ST3GAL3: variants seen among roughly 807,000 people sequenced by gnomAD.
ST3GAL3 encodes CMP-N-acetylneuraminate-beta-1,4-galactoside alpha-2,3-sialyltransferase.
A neutral mutation model predicts 50.1 loss-of-function variants in ST3GAL3; 21 were observed. The observed-to-expected ratio is 0.42, with a 90% CI of 0.30 to 0.60. The LOEUF (loss-of-function observed/expected upper bound fraction) is 0.60. Among genes scored for constraint, ST3GAL3 ranks in the 20% least tolerant of loss-of-function variants. The pLI is 0.19. For synonymous variants in ST3GAL3, 183 were observed against 190.0 expected, an observed-to-expected ratio of 0.96 and a Z score of 0.30; for missense variants, 353 against 489.4, an observed-to-expected ratio of 0.72 and a Z score of 2.63.
Position 43,899,523 on chromosome 1 carries a change from T to C in ST3GAL3, c.558-18T>C. 6.2e-7 allele frequency: 1 copy of C among 1,610,892 alleles called. No individual in the cohort carries two copies. The highest frequency in any genetic ancestry group is 8.5e-7 in the Non-Finnish European group (1 of 1,179,980). On this transcript the variant is annotated intron_variant, in intron 8 of 11. Transcript: ENST00000347631. The surrounding 1 kb of genome is among the most constrained non-coding windows in gnomAD (Gnocchi z 5.4). Reference sequence around the variant, plus strand: ...CCCAAACACAGGCCCAGGCTCTGAGTGGGCCTGCTCTCTGTAGACTGAATT... The same window carrying C: ...CCCAAACACAGGCCCAGGCTCTGAGCGGGCCTGCTCTCTGTAGACTGAATT...
chr1:43,817,656 TCTC>T (rs1371723623), intron 4 of ST3GAL3, among the ~76,000 whole-genome samples: 14 of 126,460 alleles, frequency 1.1e-4, no homozygotes, highest in East Asian at 2.5e-4. Context: ...TCCTCCTCCT[TCTC>T]CTTCTTCTCC....
chr1:43,800,181 C>G (rs1274909191), intron 3 of ST3GAL3, among the ~76,000 whole-genome samples: 4 of 152,218 alleles, frequency 2.6e-5, no homozygotes, highest in Non-Finnish European at 4.4e-5. Flanking sequence ...CTCACCTCCC[C>G]CACACCAACA....
At chr1:43,801,221 T>C (rs1292447795) in intron 3 of ST3GAL3, 2 of 454,748 alleles carry the variant, frequency 4.4e-6, no homozygotes, top group Non-Finnish European at 8.9e-6. Context: ...TTGGTGTTCA[T>C]GGGCAATATT....
At chr1:43,825,594 T>C (rs1236674255) in intron 4 of ST3GAL3, among the ~76,000 whole-genome samples, 2 of 152,220 alleles carry the variant, frequency 1.3e-5, no homozygotes, top group Non-Finnish European at 2.9e-5. Context: ...ACTTGAGAAG[T>C]CTGGAGGAAT....
intron 1 of ST3GAL3, among the ~76,000 whole-genome samples, chr1:43,732,807 A>G (rs1338136750): frequency 6.6e-6 from 1 of 152,112 alleles, no homozygotes; most frequent in Non-Finnish European, 1.5e-5. Flanking sequence ...TTTGAGAAAA[A>G]AGTCATAGGA....
At chr1:43,790,611 C>A (rs959177505) in intron 2 of ST3GAL3, among the ~76,000 whole-genome samples, 3 of 148,912 alleles carry the variant, frequency 2.0e-5, no homozygotes, top group African/African-American at 7.4e-5. Context: ...AATATACAAT[C>A]TTCAACATCA....
chr1:43,859,578 C>A (rs565880978), intron 5 of ST3GAL3, among the ~76,000 whole-genome samples: 32 of 152,076 alleles, frequency 2.1e-4, no homozygotes, highest in South Asian at 1.9e-3. Flanking sequence ...AGAAAAAAAA[C>A]CAGATGATTG....
intron 2 of ST3GAL3, among the ~76,000 whole-genome samples, chr1:43,780,347 C>T (rs1346587926): frequency 6.6e-6 from 1 of 152,154 alleles, no homozygotes; most frequent in South Asian, 2.1e-4. Context: ...TAGTTGTTCT[C>T]TCTGGAAATT....
In ST3GAL3 at chr1:43,826,652, A is replaced by C. The variant is rs556768614; in HGVS notation, c.210-11567A>C. ...AAAGATATTATAAGAAAGGAAAACTACGGACCAATATCTCTCATGAACATG... is the reference window on the plus strand; with the variant it reads ...AAAGATATTATAAGAAAGGAAAACTCCGGACCAATATCTCTCATGAACATG... On this transcript the variant is annotated intron_variant, in intron 4 of 11. Transcript: ENST00000347631. Among the ~76,000 whole-genome samples, 9 of 152,340 alleles carry C rather than the reference A, an allele frequency of 5.9e-5. No individual in the cohort carries two copies. The East Asian group carries it at 1.7e-3, about 29-fold the overall frequency.
intron 2 of ST3GAL3, among the ~76,000 whole-genome samples, chr1:43,758,009 C>T (rs199974540): frequency 1.5e-5 from 1 of 65,902 alleles, no homozygotes; most frequent in Non-Finnish European, 3.1e-5. Context: ...TAAAAATAAA[C>T]AAAGATATGT....
intron 2 of ST3GAL3, among the ~76,000 whole-genome samples, chr1:43,766,664 G>A (rs1460868323): frequency 6.6e-6 from 1 of 152,104 alleles, no homozygotes; most frequent in Non-Finnish European, 1.5e-5. Flanking sequence ...AAGGCCCTAA[G>A]GTGAGGTGTG....
chr1:43,792,580 G>A (rs1490989416), intron 3 of ST3GAL3, among the ~76,000 whole-genome samples: 1 of 152,180 alleles, frequency 6.6e-6, no homozygotes, highest in Non-Finnish European at 1.5e-5. Context: ...ACACTCCATT[G>A]CATGTTTACA....
At chr1:43,776,266 G>A (rs1010011360) in intron 2 of ST3GAL3, among the ~76,000 whole-genome samples, 8 of 152,068 alleles carry the variant, frequency 5.3e-5, no homozygotes, top group Admixed American at 2.6e-4. Flanking sequence ...TTCTGTCACC[G>A]TAGATTTGCA....
intron 5 of ST3GAL3, among the ~76,000 whole-genome samples, chr1:43,877,312 T>C (rs1433273779): frequency 2.0e-5 from 3 of 152,160 alleles, no homozygotes; most frequent in Non-Finnish European, 2.9e-5. Context: ...GCGATGATGA[T>C]GATTGTGATG....
In ST3GAL3 at chr1:43,807,514, G is replaced by A. The variant is rs548708899; in HGVS notation, c.167-7377G>A. Among the ~76,000 whole-genome samples, 45 of 152,304 alleles carry A rather than the reference G, an allele frequency of 3.0e-4. No individual in the cohort carries two copies. The South Asian group carries it at 3.7e-3, about 13-fold the overall frequency. ...CTTGTAGGTGAAGAGATTGGGATTT[G>A]TTCTGAGAACAGTAGAATCCAACCA... On this transcript the variant is annotated intron_variant, in intron 3 of 11. Coordinates refer to ENST00000347631, the MANE Select transcript of ST3GAL3 (RefSeq NM_006279.5).
intron 3 of ST3GAL3, among the ~76,000 whole-genome samples, chr1:43,807,192 G>A (rs886685263): frequency 3.4e-4 from 52 of 152,002 alleles, no homozygotes; most frequent in African/African-American, 9.9e-4. Flanking sequence ...TGAGGCAGGC[G>A]GATTACCTGA....
At chr1:43,813,860 GACACAC>G (rs57947852) in intron 3 of ST3GAL3, among the ~76,000 whole-genome samples, 9,617 of 144,468 alleles carry the variant, frequency 0.067, 364 homozygotes, top group East Asian at 0.14. Context: ...TTTTTGGCTA[GACACAC>G]ACACACACAC....
chr1:43,917,631 A>ATATATAATATAATATATAATATATAT (rs2082249934), intron 9 of ST3GAL3, among the ~76,000 whole-genome samples: 2 of 59,064 alleles, frequency 3.4e-5, no homozygotes, highest in East Asian at 8.0e-4. Flanking sequence ...ATTATATATA[A>ATATATAATATAATATATAATATATAT]TATATAATAT....
rs557956797 is a variant in ST3GAL3 at position 43,879,078 on chromosome 1, C to G, written c.303-15305C>G. 1.3e-3 allele frequency: 575 copies of G among 456,138 alleles called. 2 individuals carry two copies. Among genetic ancestry groups the G allele is most frequent in the African/African-American group, 0.01 (517 of 50,176 alleles). The allele number at this position is 456,138 out of a possible 1,614,324, so 28.3% of individuals were successfully genotyped here. Reference sequence around the variant, plus strand: ...GAGAATGACTGCGGCAGGAAACCCACTTTAGACAGAAGAGTCAGAGAAGAC... The same window carrying G: ...GAGAATGACTGCGGCAGGAAACCCAGTTTAGACAGAAGAGTCAGAGAAGAC... On this transcript the variant is annotated intron_variant, in intron 5 of 11. Coordinates refer to ENST00000347631, the MANE Select transcript of ST3GAL3 (RefSeq NM_006279.5).
Sources: allele counts gnomAD v4.1 joint callset (sites outside exome capture counted in the v4.1 genomes callset), GRCh38; gene constraint gnomAD v4.1.1; non-coding constraint Gnocchi (gnomAD v3.1); transcripts MANE v1.5; gene names NCBI Gene and HGNC (gene_info 2026-07-23, HGNC 2026-07-21).